DNAJC1: variants seen among roughly 807,000 people sequenced by gnomAD.
The protein encoded by DNAJC1 is DnaJ heat shock protein family (Hsp40) member C1.
In DNAJC1, 58 loss-of-function variants were observed where a neutral mutation model predicts 76.6. The ratio of observed to expected loss-of-function variants is 0.76; its 90% confidence interval spans 0.61 to 0.94. The LOEUF is 0.94. Among genes scored for constraint, DNAJC1 ranks in the 40% least tolerant of loss-of-function variants. DNAJC1 has a pLI of 0.00. For missense variants in DNAJC1, 689 were observed against 677.3 expected (o/e 1.02, Z -0.19); for synonymous variants, 258 against 267.9 (o/e 0.96, Z 0.36).
intron 9 of DNAJC1, among the ~76,000 whole-genome samples, chr10:21,802,654 A>G (rs1258533558): frequency 6.6e-6 from 1 of 152,148 alleles, no homozygotes; most frequent in Non-Finnish European, 1.5e-5. Flanking sequence ...TTTTCCAAAG[A>G]GGCAGAAAAA....
intron 8 of DNAJC1, among the ~76,000 whole-genome samples, chr10:21,835,210 C>T (rs993147456): frequency 7.2e-5 from 11 of 152,212 alleles, no homozygotes; most frequent in Non-Finnish European, 1.5e-4. Context: ...GATACCCAGG[C>T]AAACAGGGTC....
At chr10:21,806,506 C>T (rs1564792687) in intron 8 of DNAJC1, among the ~76,000 whole-genome samples, 1 of 151,272 alleles carries the variant, frequency 6.6e-6, no homozygotes, top group Non-Finnish European at 1.5e-5. Context: ...AAAGGGCTCT[C>T]TCTTTTTTTT....
At chr10:21,977,211 C>T (rs1249636219) in intron 1 of DNAJC1, among the ~76,000 whole-genome samples, 1 of 151,918 alleles carries the variant, frequency 6.6e-6, no homozygotes, top group Admixed American at 6.6e-5. Context: ...AAGACCTTAT[C>T]TTAGCAATTT....
intron 8 of DNAJC1, among the ~76,000 whole-genome samples, chr10:21,843,052 G>T (rs569506550): frequency 6.6e-6 from 1 of 152,074 alleles, no homozygotes; most frequent in East Asian, 1.9e-4. Flanking sequence ...TACCTAGGAT[G>T]GTGTGCATAT....
intron 8 of DNAJC1, among the ~76,000 whole-genome samples, chr10:21,822,627 A>G (rs1294762378): frequency 1.3e-5 from 2 of 152,130 alleles, no homozygotes; most frequent in African/African-American, 2.4e-5. Flanking sequence ...TTTTAGCCCA[A>G]TAATCCACTG....
intron 1 of DNAJC1, among the ~76,000 whole-genome samples, chr10:21,993,899 G>A (rs142469737): frequency 8.0e-4 from 121 of 151,106 alleles, no homozygotes; most frequent in Admixed American, 2.0e-3. Context: ...TTTTTATCCT[G>A]CGGGCAAACT....
At chr10:21,813,587 T>C (rs1798780294) in intron 8 of DNAJC1, among the ~76,000 whole-genome samples, 1 of 152,014 alleles carries the variant, frequency 6.6e-6, no homozygotes, top group African/African-American at 2.4e-5. Context: ...TTAGTAGAGA[T>C]GGTGTTTCAC....
chr10:21,822,727 A>G (rs901118115), intron 8 of DNAJC1, among the ~76,000 whole-genome samples: 7 of 152,120 alleles, frequency 4.6e-5, no homozygotes, highest in Non-Finnish European at 8.8e-5. Context: ...GATGATAAAC[A>G]TATCAAGCCA....
intron 10 of DNAJC1, among the ~76,000 whole-genome samples, chr10:21,763,932 A>G (rs1834268454): frequency 6.6e-6 from 1 of 152,186 alleles, no homozygotes; most frequent in Non-Finnish European, 1.5e-5. Context: ...AAGCTCTGCT[A>G]ATGGGCACAG....
intron 8 of DNAJC1, among the ~76,000 whole-genome samples, chr10:21,816,848 ACT>A (rs1416610095): frequency 4.0e-5 from 5 of 126,574 alleles, no homozygotes; most frequent in South Asian, 2.8e-4. Flanking sequence ...CCCGGCCGAG[ACT>A]CTGTCTCTTA....
chr10:21,887,968 T>C (rs1332857961), intron 7 of DNAJC1, among the ~76,000 whole-genome samples: 1 of 151,946 alleles, frequency 6.6e-6, no homozygotes, highest in Non-Finnish European at 1.5e-5. Flanking sequence ...TGGGAGAAAA[T>C]TTTTGAAAAC....
intron 1 of DNAJC1, among the ~76,000 whole-genome samples, chr10:21,931,535 AG>A (rs1310150741): frequency 5.9e-5 from 9 of 152,206 alleles, no homozygotes; most frequent in Non-Finnish European, 1.3e-4. Flanking sequence ...CTTCAGAATC[AG>A]ATCTCTTTAT....
chr10:21,782,041 A>C (rs937737763), intron 9 of DNAJC1, among the ~76,000 whole-genome samples: 3 of 152,184 alleles, frequency 2.0e-5, no homozygotes, highest in Non-Finnish European at 4.4e-5. Flanking sequence ...AATAACTAAG[A>C]TCAGAGCAGA....
intron 1 of DNAJC1, among the ~76,000 whole-genome samples, chr10:21,987,758 T>C (rs922886210): frequency 5.9e-5 from 9 of 152,074 alleles, no homozygotes; most frequent in Admixed American, 4.6e-4. Context: ...ACAACACTCT[T>C]CTTTCCAAAG....
At chr10:21,812,884 T>C (rs1343620587) in intron 8 of DNAJC1, among the ~76,000 whole-genome samples, 1 of 151,898 alleles carries the variant, frequency 6.6e-6, no homozygotes, top group Non-Finnish European at 1.5e-5. Flanking sequence ...TGTTCCTCAG[T>C]GATTCCCACT....
chr10:21,908,169 TAATA>T (rs1221482996), intron 6 of DNAJC1, among the ~76,000 whole-genome samples: 1 of 104,090 alleles, frequency 9.6e-6, no homozygotes, highest in Non-Finnish European at 1.7e-5. Context: ...TAAAAATATA[TAATA>T]TATAATATAT....
chr10:21,813,203 TC>T (rs1835009348), intron 8 of DNAJC1, among the ~76,000 whole-genome samples: 2 of 91,802 alleles, frequency 2.2e-5, no homozygotes, highest in Non-Finnish European at 4.2e-5. Flanking sequence ...TCTCTCTCTC[TC>T]TCTCTCTCTC....
chr10:21,944,074 C>T (rs1180804449), intron 1 of DNAJC1, among the ~76,000 whole-genome samples: 2 of 152,016 alleles, frequency 1.3e-5, no homozygotes, highest in Non-Finnish European at 2.9e-5. Flanking sequence ...ATCTGGGAAA[C>T]ATAGTTATTA....
chr10:21,960,837 G>A (rs770936538), intron 1 of DNAJC1, among the ~76,000 whole-genome samples: 2 of 152,142 alleles, frequency 1.3e-5, no homozygotes, highest in African/African-American at 2.4e-5. Context: ...CAAAGGCACC[G>A]TGGCACATGT....
Sources: gnomAD v4.1 joint callset for allele counts (sites outside exome capture counted in the v4.1 genomes callset) on GRCh38, gnomAD v4.1.1 for gene constraint, MANE v1.5 for transcripts, NCBI Gene and HGNC (gene_info 2026-07-23, HGNC 2026-07-21) for gene names.